FCN2: variants seen among roughly 807,000 people sequenced by gnomAD.
FCN2 encodes ficolin 2, also known as ficolin-2.
FCN2 carries 31 observed loss-of-function variants against 32.5 expected under a neutral mutation model. The ratio of observed to expected loss-of-function variants is 0.96; its 90% CI spans 0.72 to 1.29. FCN2 has a LOEUF of 1.29. FCN2 is among the 50% of genes most tolerant of loss of function. The pLI, the probability that FCN2 is intolerant of heterozygous loss-of-function variation, is 0.00. For synonymous variants in FCN2, 181 were observed against 164.5 expected (o/e 1.10, Z -0.77); for missense variants, 412 against 406.5 (o/e 1.01, Z -0.12).
chr9:134,866,380 C>G, the FCN2 span, among the ~76,000 whole-genome samples: 1 of 141,590 alleles, frequency 7.1e-6, no homozygotes, highest in African/African-American at 2.6e-5. Flanking sequence ...GAAAAACAAG[C>G]AATGGGGAAA....
At position 134,885,245 on chromosome 9, in the gene FCN2, G is replaced by A. The variant is rs372229544; in HGVS notation, c.308G>A (p.Arg103His). ...GEPQPCLTGP[R>H]TCKDLLDRGH... ...CCCCGGGTTCCCTTCCCAGGCCCGC[G>A]TACCTGCAAGGACCTGCTAGACCGA... is the stretch of plus-strand genomic sequence containing the variant. Residue 103 changes from arginine (R) to histidine (H), a missense_variant, in exon 5 of 8, where the codon CGT (arginine) becomes CAT (histidine). Transcript: ENST00000291744. 3.0e-5 allele frequency: 49 copies of A among 1,613,924 alleles called. No homozygotes were observed. Among genetic ancestry groups the A allele is most frequent in the African/African-American group, 1.5e-4 (11 of 74,908 alleles).
chr9:134,864,409 A>G, the FCN2 span, among the ~76,000 whole-genome samples: 11 of 152,318 alleles, frequency 7.2e-5, no homozygotes, highest in Admixed American at 2.6e-4. Flanking sequence ...CCTGCGGAAG[A>G]CAGCGGCCCT....
intron 4 of FCN2, 146 bp from the exon 5 acceptor site, chr9:134,885,093 G>C: frequency 1.7e-6 from 2 of 1,204,036 alleles, no homozygotes; most frequent in Non-Finnish European, 2.4e-6. Context: ...TGGCCCTGGG[G>C]GCCGTGTCCC....
At chr9:134,867,786 G>A in the FCN2 span, among the ~76,000 whole-genome samples, 10 of 151,952 alleles carry the variant, frequency 6.6e-5, no homozygotes, top group Admixed American at 1.3e-4. Context: ...TTCCAGCCCC[G>A]TAATTCTACA....
At chr9:134,886,644 G>C in intron 7 of FCN2, 80 bp downstream of exon 7, 2 of 1,542,650 alleles carry the variant, frequency 1.3e-6, no homozygotes, top group Non-Finnish European at 8.9e-7. Context: ...CAGTGTCCTG[G>C]TAGCCTTGTG....
At chr9:134,868,374 G>A in the FCN2 span, 5 of 172,602 alleles carry the variant, frequency 2.9e-5, no homozygotes, top group Middle Eastern at 9.7e-4. The surrounding 1 kb of genome is among the most constrained non-coding windows in gnomAD (Gnocchi z 4.3). Context: ...TGTCTACCTC[G>A]GGGGGGCCCG....
At chr9:134,884,659 A>T in intron 3 of FCN2, 81 bp from the exon 4 acceptor site, 1 of 1,402,694 alleles carries the variant, frequency 7.1e-7, no homozygotes, top group Non-Finnish European at 1.0e-6. Flanking sequence ...GGCCCAGAAA[A>T]TGGTGTCCGC....
In FCN2 at chr9:134,887,451, A is replaced by T; in HGVS notation, c.*36A>T. 1.2e-6 allele frequency: 2 copies of T among 1,606,060 alleles called. No homozygotes were observed. Among genetic ancestry groups the T allele is most frequent in the South Asian group, 1.1e-5 (1 of 90,670 alleles). On this transcript the variant is annotated 3_prime_UTR_variant, in exon 8 of 8. Coordinates refer to ENST00000291744, the MANE Select transcript of FCN2 (RefSeq NM_004108.3). ...CCTCAGGGTCAGGACGCCTCCACAC[A>T]TAGTTGGTTGGGGGGTAGGGTTGGG...
chr9:134,884,786 C>T lies in FCN2; in HGVS notation c.301+14C>T, dbSNP rs1210841342. On this transcript the variant is annotated intron_variant, in intron 4 of 7. Transcript: ENST00000291744. Reference sequence around the variant, plus strand: ...CGTGCCTGACAGGTGACTGACCACCCCCACACTCCTCCCACGGCTTGTGGC... The same window carrying T: ...CGTGCCTGACAGGTGACTGACCACCTCCACACTCCTCCCACGGCTTGTGGC... The T allele has an allele frequency of 1.2e-6, 2 of 1,613,314 alleles. No homozygotes were observed. Among genetic ancestry groups the T allele is most frequent in the Non-Finnish European group, 1.7e-6 (2 of 1,179,506 alleles).
intron 7 of FCN2, 46 bp downstream of exon 7, chr9:134,886,610 T>G (rs1588645990): frequency 1.2e-6 from 2 of 1,608,606 alleles, no homozygotes; most frequent in Non-Finnish European, 8.5e-7. Context: ...CTGAGGGGGG[T>G]TTGGGAAGTG....
At position 134,886,464 on chromosome 9, in the gene FCN2, T is replaced by C. The variant is rs745779290; in HGVS notation, c.594T>C (p.Phe198=). ...TSELRVDLVD[F]EDNYQFAKYR... is the part of the protein sequence containing the mutation. ...AGCTCCGTGTAGACCTGGTGGACTT[T>C]GAGGACAACTACCAGTTTGCTAAGT... The change falls in exon 7 of 8, where the codon TTT becomes TTC. Residue 198 remains phenylalanine, a synonymous_variant. Transcript: ENST00000291744. 5.6e-6 allele frequency: 9 copies of C among 1,612,560 alleles called. No individual in the cohort carries two copies. Among genetic ancestry groups the C allele is most frequent in the Non-Finnish European group, 7.6e-6 (9 of 1,179,478 alleles).
the FCN2 span, among the ~76,000 whole-genome samples, chr9:134,873,635 A>G: frequency 5.3e-5 from 8 of 152,370 alleles, no homozygotes; most frequent in South Asian, 1.7e-3. Context: ...TCAGCCTACA[A>G]CATATGATTT....
At chr9:134,883,786 G>A (rs1248372218) in intron 3 of FCN2, among the ~76,000 whole-genome samples, 1 of 139,580 alleles carries the variant, frequency 7.2e-6, no homozygotes, top group African/African-American at 2.7e-5. Context: ...ATGGGGGAGA[G>A]ATTCTGGGAT....
At chr9:134,883,843 G>A (rs1433261881) in intron 3 of FCN2, among the ~76,000 whole-genome samples, 1 of 134,200 alleles carries the variant, frequency 7.5e-6, no homozygotes, top group Admixed American at 7.4e-5. Context: ...AGTGTGGGGA[G>A]GGGTTCTTAG....
At chr9:134,872,384 T>A in the FCN2 span, among the ~76,000 whole-genome samples, 2 of 152,232 alleles carry the variant, frequency 1.3e-5, no homozygotes, top group Non-Finnish European at 2.9e-5. Context: ...CAGGCTGCTA[T>A]GAATCTCTGT....
chr9:134,870,308 G>A, the FCN2 span, among the ~76,000 whole-genome samples: 1,800 of 152,270 alleles, frequency 0.012, 41 homozygotes, highest in African/African-American at 0.041. This position sits in a 1 kb window ranked among gnomAD's most constrained non-coding sequence, Gnocchi z 4.3. Flanking sequence ...TGGCCCACCC[G>A]GCCTAGTGTG....
the FCN2 span, among the ~76,000 whole-genome samples, chr9:134,864,354 C>A: frequency 6.6e-6 from 1 of 152,204 alleles, no homozygotes; most frequent in African/African-American, 2.4e-5. Context: ...GGCAGAGCGT[C>A]CCTGCCAGGG....
upstream of FCN2, among the ~76,000 whole-genome samples, chr9:134,878,428 G>C (rs77540181): frequency 2.6e-5 from 4 of 152,216 alleles, no homozygotes; most frequent in Non-Finnish European, 5.9e-5. Flanking sequence ...ACTGGTGCCT[G>C]TGAGGGCTTT....
the FCN2 span, among the ~76,000 whole-genome samples, chr9:134,871,214 G>A: frequency 6.6e-6 from 1 of 152,166 alleles, no homozygotes; most frequent in Non-Finnish European, 1.5e-5. Flanking sequence ...CAGGATCGGC[G>A]CTGAGGACTG....
Sources: gnomAD v4.1 joint callset for allele counts (sites outside exome capture counted in the v4.1 genomes callset) on GRCh38, gnomAD v4.1.1 for gene constraint, Gnocchi (gnomAD v3.1) non-coding constraint, MANE v1.5 for transcripts, NCBI Gene and HGNC (gene_info 2026-07-23, HGNC 2026-07-21) for gene names.